LIMCH1: variants seen among roughly 807,000 people sequenced by gnomAD.
The protein encoded by LIMCH1 is LIM and calponin homology domains 1, also known as LIM and calponin homology domains-containing protein 1.
In LIMCH1, 113 loss-of-function variants were observed where a neutral mutation model predicts 176.5. That is an observed-to-expected ratio of 0.64 (90% CI 0.55 to 0.75). The LOEUF (loss-of-function observed/expected upper bound fraction) is 0.75. Ranked by LOEUF, LIMCH1 falls within the 30% of genes least tolerant of loss-of-function variation. LIMCH1 has a pLI of 0.00. For synonymous variants in LIMCH1, 619 were observed against 645.9 expected, an observed-to-expected ratio of 0.96 and a Z score of 0.63; for missense variants, 1,674 against 1,814.9, an observed-to-expected ratio of 0.92 and a Z score of 1.41.
intron 1 of LIMCH1, among the ~76,000 whole-genome samples, chr4:41,493,799 A>G (rs976046961): frequency 2.0e-5 from 3 of 152,258 alleles, no homozygotes; most frequent in African/African-American, 7.2e-5. Context: ...GCTGAGAGCC[A>G]GAGGCACCAA....
At chr4:41,612,853 T>C in intron 4 of LIMCH1, 3 of 390,210 alleles carry the variant, frequency 7.7e-6, no homozygotes, top group African/African-American at 5.1e-5. Flanking sequence ...TTGCCTTTCT[T>C]TTTTTTTTTT....
At chr4:41,397,380 G>C (rs925989145) in intron 1 of LIMCH1, among the ~76,000 whole-genome samples, 2 of 152,000 alleles carry the variant, frequency 1.3e-5, no homozygotes. Flanking sequence ...TATTTGTTTT[G>C]TTTACAGCTG....
At chr4:41,428,409 A>G (rs191043714) in intron 1 of LIMCH1, among the ~76,000 whole-genome samples, 5 of 152,332 alleles carry the variant, frequency 3.3e-5, no homozygotes, top group Admixed American at 1.3e-4. Flanking sequence ...AAAACACATG[A>G]AAAGGAAATA....
chr4:41,363,988 A>G (rs1467629945), intron 1 of LIMCH1, among the ~76,000 whole-genome samples: 1 of 152,194 alleles, frequency 6.6e-6, no homozygotes, highest in Non-Finnish European at 1.5e-5. Flanking sequence ...GTGAGAGGTC[A>G]GACCTTGGAG....
chr4:41,646,845 G>C lies in LIMCH1; in HGVS notation c.2772G>C (p.Lys924Asn), dbSNP rs200620612. The C allele has an allele frequency of 1.4e-5, 22 of 1,613,986 alleles. No homozygotes were observed. The Admixed American group carries it at 2.8e-4, about 21-fold the overall frequency. The change falls in exon 17 of 32, where the codon AAG becomes AAC. Residue 924 changes from lysine to asparagine, a missense_variant. Around this residue, in one of 3 missense-constraint regions of LIMCH1, gnomAD observed 1,015 missense variants for 1,102.5 expected, o/e 0.92. Coordinates refer to ENST00000503057, the MANE Select transcript of LIMCH1 (RefSeq NM_001330672.2). ...AAGCAGTGCCTATGCTGACACCCAAGCCTTACTCCCAGCCCAAAAATTCTC... is the reference window on the plus strand; with the variant it reads ...AAGCAGTGCCTATGCTGACACCCAACCCTTACTCCCAGCCCAAAAATTCTC... ...TPKAVPMLTP[K>N]PYSQPKNSQD...
At chr4:41,534,207 G>C (rs2152450988), upstream of LIMCH1, among the ~76,000 whole-genome samples, 1 of 152,312 alleles carries the variant, frequency 6.6e-6, no homozygotes, top group Non-Finnish European at 1.5e-5. Context: ...GATTAGAGAT[G>C]AGGAGACAGG....
intron 13 of LIMCH1, among the ~76,000 whole-genome samples, chr4:41,637,600 A>G (rs2093646574): frequency 6.6e-6 from 1 of 152,238 alleles, no homozygotes; most frequent in South Asian, 2.1e-4. Context: ...GATACTCTGG[A>G]GAAGGAGAAA....
intron 1 of LIMCH1, among the ~76,000 whole-genome samples, chr4:41,574,657 CCATCATCCCTGT>C (rs1173813780): frequency 1.3e-5 from 2 of 152,112 alleles, no homozygotes; most frequent in African/African-American, 4.8e-5. Flanking sequence ...ATCAGCTTAA[CCATCATCCCTGT>C]CATTGTTTTA....
chr4:41,407,413 A>G (rs542338445), intron 1 of LIMCH1, among the ~76,000 whole-genome samples: 3 of 152,092 alleles, frequency 2.0e-5, no homozygotes, highest in Non-Finnish European at 4.4e-5. Context: ...ATTTTTTTGT[A>G]GAGAGGAGGT....
intron 21 of LIMCH1, among the ~76,000 whole-genome samples, 188 bp from the exon 22 acceptor site, chr4:41,671,366 A>G (rs1560316263): frequency 6.7e-6 from 1 of 148,484 alleles, no homozygotes; most frequent in Non-Finnish European, 1.5e-5. Flanking sequence ...TGTCTGCTTT[A>G]TTATGATTTT....
chr4:41,403,838 T>C (rs1395353635), intron 1 of LIMCH1, among the ~76,000 whole-genome samples: 1 of 152,252 alleles, frequency 6.6e-6, no homozygotes, highest in African/African-American at 2.4e-5. Flanking sequence ...AGGGATGGAA[T>C]GGTGGAAACC....
intron 5 of LIMCH1, among the ~76,000 whole-genome samples, chr4:41,615,424 G>C (rs976702276): frequency 1.3e-5 from 2 of 152,072 alleles, no homozygotes; most frequent in Non-Finnish European, 2.9e-5. Flanking sequence ...ATAAGCTAGA[G>C]TGTTTTTATG....
chr4:41,620,641 C>CTAGA lies in LIMCH1; in HGVS notation c.677_680dup (p.Glu227AspfsTer23). On this transcript the variant is annotated frameshift_variant, in exon 7 of 32. Coordinates refer to ENST00000503057, the MANE Select transcript of LIMCH1 (RefSeq NM_001330672.2). LOFTEE classifies it high-confidence loss of function. ...TGCTGAGATCCAAAAGCGCAAAAGG[C>CTAGA]TAGAGCAAGCTGGAATCAAGGTCAT... 6.5e-7 allele frequency: 1 copy of CTAGA among 1,536,162 alleles called. No homozygotes were observed. Among genetic ancestry groups the CTAGA allele is most frequent in the Non-Finnish European group, 8.7e-7 (1 of 1,146,910 alleles).
intron 18 of LIMCH1, among the ~76,000 whole-genome samples, chr4:41,654,440 G>A (rs1167786651): frequency 6.6e-6 from 1 of 152,196 alleles, no homozygotes; most frequent in East Asian, 1.9e-4. Context: ...AAACTATGAT[G>A]TTTGGTAAGT....
chr4:41,567,580 G>T (rs1561776501), intron 1 of LIMCH1, among the ~76,000 whole-genome samples: 1 of 152,120 alleles, frequency 6.6e-6, no homozygotes, highest in African/African-American at 2.4e-5. Flanking sequence ...TGCTATACTT[G>T]AATTATCTCC....
chr4:41,589,815 G>A (rs1032095043), intron 1 of LIMCH1, among the ~76,000 whole-genome samples: 4 of 152,092 alleles, frequency 2.6e-5, no homozygotes, highest in Non-Finnish European at 5.9e-5. Flanking sequence ...TTCTGCAGGG[G>A]CCTTGCTTCT....
chr4:41,588,737 G>A (rs2086929444), intron 1 of LIMCH1, among the ~76,000 whole-genome samples: 1 of 152,184 alleles, frequency 6.6e-6, no homozygotes, highest in African/African-American at 2.4e-5. Flanking sequence ...GCACAGCTGG[G>A]CAACCACAGG....
chr4:41,580,206 A>G (rs2085185417), intron 1 of LIMCH1, among the ~76,000 whole-genome samples: 1 of 152,026 alleles, frequency 6.6e-6, no homozygotes, highest in Non-Finnish European at 1.5e-5. Context: ...GATCATGGTC[A>G]GTGTATAAAA....
chr4:41,620,775 C>A, intron 7 of LIMCH1, 85 bp downstream of exon 7: 1 of 1,395,224 alleles, frequency 7.2e-7, no homozygotes, highest in Non-Finnish European at 9.4e-7. Flanking sequence ...GAGTTTTCAT[C>A]TGATTTTTCC....
Sources: allele counts gnomAD v4.1 joint callset (sites outside exome capture counted in the v4.1 genomes callset), GRCh38; gene constraint gnomAD v4.1.1; regional missense constraint gnomAD v4.1.1; transcripts MANE v1.5; gene names NCBI Gene and HGNC (gene_info 2026-07-23, HGNC 2026-07-21).